Variants in LRRC15 observed in about 807,000 individuals in gnomAD.
The protein encoded by LRRC15 is leucine rich repeat containing 15.
In LRRC15, 5 loss-of-function variants were observed where a neutral mutation model predicts 4.3. The ratio of observed to expected loss-of-function variants is 1.16; its 90% CI spans 0.61 to 2.44. LRRC15 has a LOEUF of 2.44. Ranked by LOEUF, LRRC15 falls within the 30% of genes most tolerant of loss-of-function variation. LRRC15 has a pLI of 0.01. For missense variants in LRRC15, 769 were observed against 747.0 expected, an observed-to-expected ratio of 1.03 and a Z score of -0.34; for synonymous variants, 337 against 323.2, an observed-to-expected ratio of 1.04 and a Z score of -0.46.
At chr3:194,368,308 C>T (rs1019839098) in intron 1 of LRRC15, among the ~76,000 whole-genome samples, 1 of 152,128 alleles carries the variant, frequency 6.6e-6, no homozygotes, top group Non-Finnish European at 1.5e-5. Flanking sequence ...TATTCTACCT[C>T]GCCTCACCAC....
chr3:194,365,839 C>T (rs1171986036), intron 1 of LRRC15, among the ~76,000 whole-genome samples: 1 of 152,190 alleles, frequency 6.6e-6, no homozygotes, highest in African/African-American at 2.4e-5. Flanking sequence ...TGTCCGCACA[C>T]AGCCAATAGC....
In LRRC15 at chr3:194,361,056, G is replaced by T; in HGVS notation, c.-3-10C>A. 6.7e-7 allele frequency: 1 copy of T among 1,496,078 alleles called. No homozygotes were observed. Among genetic ancestry groups the T allele is most frequent in the South Asian group, 1.3e-5 (1 of 74,310 alleles). 92.7% of individuals were successfully genotyped at this position (1,496,078 alleles called of 1,614,324 possible). ...GCTTCAGTGGCATAGCCTGTGCAAG[G>T]GGAGAGAGCACACGTTAGTCAGGGT... On this transcript the variant is annotated splice_polypyrimidine_tract_variant and intron_variant, in intron 1 of 1. Coordinates refer to ENST00000347624, the MANE Select transcript of LRRC15 (RefSeq NM_130830.5).
intron 1 of LRRC15, among the ~76,000 whole-genome samples, chr3:194,366,238 T>C (rs1713770195): frequency 6.6e-6 from 1 of 152,242 alleles, no homozygotes; most frequent in Non-Finnish European, 1.5e-5. Context: ...TAAAATCGCC[T>C]GGCTTGTTTA....
In LRRC15 at chr3:194,360,162, G is replaced by C. The variant is rs1043650322; in HGVS notation, c.882C>G (p.Asn294Lys). The change falls in exon 2 of 2, where the codon AAC (asparagine) becomes AAG (lysine). Residue 294 changes from asparagine (N) to lysine (K), a missense_variant. Asn to Lys is a moderately conservative substitution (Grantham distance 94). Transcript: ENST00000347624. ...TGTCATAGAGCCAAAGCTCCCGCAG[G>C]TTGGGCATGGGCCCGAAGATCCCCG... ...LSPGIFGPMP[N>K]LRELWLYDNH... 1 of 1,613,752 alleles carries C rather than the reference G, an allele frequency of 6.2e-7. No homozygotes were observed. The highest frequency in any genetic ancestry group is 1.3e-5 in the African/African-American group (1 of 74,942).
rs1713411074 is a variant in LRRC15 at position 194,355,866 on chromosome 3, C to T, written c.*3432G>A. ...ATCTCTAAATTCTAAGGAGGAAGAA[C>T]AATATACATACAGCCCAATTCCCAT... is the stretch of plus-strand genomic sequence containing the variant. On this transcript the variant is annotated 3_prime_UTR_variant, in exon 2 of 2. Coordinates refer to ENST00000347624, the MANE Select transcript of LRRC15 (RefSeq NM_130830.5). The T allele has an allele frequency of 6.6e-6, 1 of 152,172 alleles. No individual in the cohort carries two copies. Among genetic ancestry groups the T allele is most frequent in the African/African-American group, 2.4e-5 (1 of 41,428 alleles). 9.4% of individuals were successfully genotyped at this position (152,172 alleles called of 1,614,324 possible).
At position 194,360,649 on chromosome 3, in the gene LRRC15, A is replaced by G; in HGVS notation, c.395T>C (p.Leu132Pro). The G allele has an allele frequency of 6.2e-7, 1 of 1,614,210 alleles. No homozygotes were observed. The highest frequency in any genetic ancestry group is 8.5e-7 in the Non-Finnish European group (1 of 1,180,032). ...GATCTGCAACAGCTGGTTACTGGAC[A>G]GAAGGAGAGACTCGAGGCTGTCCAG... ...QGLDSLESLL[L>P]SSNQLLQIQP... The change falls in exon 2 of 2, where the codon CTG (leucine) becomes CCG (proline). Residue 132 changes from leucine to proline, a missense_variant. Leu to Pro is a moderately conservative substitution (Grantham distance 98, BLOSUM62 -3). Coordinates refer to ENST00000347624, the MANE Select transcript of LRRC15 (RefSeq NM_130830.5).
At chr3:194,368,676 C>T (rs1713851420) in intron 1 of LRRC15, among the ~76,000 whole-genome samples, 1 of 152,074 alleles carries the variant, frequency 6.6e-6, no homozygotes, top group African/African-American at 2.4e-5. Context: ...AGGCACCTGG[C>T]ACCTGCGACT....
rs567441207 is a variant in LRRC15, at chr3:194,358,912, T to C, written c.*386A>G. The C allele has an allele frequency of 8.0e-4, 145 of 181,166 alleles. 1 individual carries two copies. Among genetic ancestry groups the C allele is most frequent in the Non-Finnish European group, 1.1e-3 (98 of 85,228 alleles). 11.2% of individuals were successfully genotyped at this position (181,166 alleles called of 1,614,324 possible). On this transcript the variant is annotated 3_prime_UTR_variant, in exon 2 of 2. Transcript: ENST00000347624. ...GAGGGGCTATCTCAGCGGAGAACTA[T>C]TCCCACGAAGTGAGCAGGCTGTGGA...
intron 1 of LRRC15, 74 bp downstream of exon 1, chr3:194,369,587 T>C (rs1464023828): frequency 6.6e-6 from 1 of 152,136 alleles, no homozygotes; most frequent in Non-Finnish European, 1.5e-5. Flanking sequence ...GGGGAGCAGG[T>C]CCAGCAGAAA....
At chr3:194,364,282 T>C (rs1028638438) in intron 1 of LRRC15, among the ~76,000 whole-genome samples, 2 of 151,978 alleles carry the variant, frequency 1.3e-5, no homozygotes, top group African/African-American at 2.4e-5. Flanking sequence ...GCGTGGACAG[T>C]GTGGGTATTT....
At position 194,358,918 on chromosome 3, in the gene LRRC15, C is replaced by T. The variant is rs1169501662; in HGVS notation, c.*380G>A. 1.1e-5 allele frequency: 2 copies of T among 184,284 alleles called. No homozygotes were observed. The highest frequency in any genetic ancestry group is 1.5e-4 in the South Asian group (1 of 6,816). The allele number at this position is 184,284 out of a possible 1,614,324, so 11.4% of individuals were successfully genotyped here. A position where few individuals can be genotyped will look rare whatever the true frequency, so the allele number is the denominator to read the frequency against. On this transcript the variant is annotated 3_prime_UTR_variant, in exon 2 of 2. Coordinates refer to ENST00000347624, the MANE Select transcript of LRRC15 (RefSeq NM_130830.5). ...CTATCTCAGCGGAGAACTATTCCCA[C>T]GAAGTGAGCAGGCTGTGGACTAACT... is the stretch of plus-strand genomic sequence containing the variant.
At position 194,360,714 on chromosome 3, in the gene LRRC15, G is replaced by A; in HGVS notation, c.330C>T (p.Asn110=). 2 of 1,614,240 alleles carry A rather than the reference G, an allele frequency of 1.2e-6. No individual in the cohort carries two copies. Among genetic ancestry groups the A allele is most frequent in the Non-Finnish European group, 8.5e-7 (1 of 1,180,036 alleles). ...LGSLRYLSLA[N]NKLQVLPIGL... Reference sequence around the variant, plus strand: ...CGATGGGCAGAACCTGCAGCTTGTTGTTGGCGAGGCTGAGATAGCGCAGCG... The same window carrying A: ...CGATGGGCAGAACCTGCAGCTTGTTATTGGCGAGGCTGAGATAGCGCAGCG... The change falls in exon 2 of 2, where the codon AAC becomes AAT. Residue 110 remains asparagine (N), a synonymous_variant. Transcript: ENST00000347624.
At position 194,361,022 on chromosome 3, in the gene LRRC15, G is replaced by A; in HGVS notation, c.22C>T (p.Leu8Phe). The change falls in exon 2 of 2, where the codon CTT (leucine) becomes TTT (phenylalanine). Residue 8 changes from leucine to phenylalanine, a missense_variant. Transcript: ENST00000347624. Reference sequence around the variant, plus strand: ...CAGGCTTGGCAGCCCACCAGCAAAAGGAGATAATGCTTCAGTGGCATAGCC... The same window carrying A: ...CAGGCTTGGCAGCCCACCAGCAAAAAGAGATAATGCTTCAGTGGCATAGCC... MPLKHYL[L>F]LLVGCQAWGA... The A allele has an allele frequency of 6.6e-7, 1 of 1,517,316 alleles. No individual in the cohort carries two copies. The highest frequency in any genetic ancestry group is 8.8e-7 in the Non-Finnish European group (1 of 1,139,546). 94.0% of individuals were successfully genotyped at this position (1,517,316 alleles called of 1,614,324 possible).
chr3:194,360,166 G>T lies in LRRC15; in HGVS notation c.878C>A (p.Pro293His). The change falls in exon 2 of 2, where the codon CCC becomes CAC. Residue 293 changes from proline to histidine, a missense_variant. By Grantham distance (77) the Pro-to-His change is moderately conservative (BLOSUM62 -2). Transcript: ENST00000347624. ...ELSPGIFGPM[P>H]NLRELWLYDN... is the part of the protein sequence containing the mutation. ...ATAGAGCCAAAGCTCCCGCAGGTTG[G>T]GCATGGGCCCGAAGATCCCCGGAGA... 6.2e-7 allele frequency: 1 copy of T among 1,613,870 alleles called. No homozygotes were observed. The highest frequency in any genetic ancestry group is 1.1e-5 in the South Asian group (1 of 91,074).
In LRRC15 at chr3:194,358,709, C is replaced by T. The variant is rs73081774; in HGVS notation, c.*589G>A. 0.032 allele frequency: 4,912 copies of T among 152,728 alleles called. 87 individuals are homozygous for T. Among genetic ancestry groups the T allele is most frequent in the African/African-American group, 0.055 (2,279 of 41,498 alleles). The allele number at this position is 152,728 out of a possible 1,614,324, so 9.5% of individuals were successfully genotyped here. ...GCATCCCCAAAACCAGGCTGATTGA[C>T]GGCTCTTAAGAAACCAGTTAAATGG... On this transcript the variant is annotated 3_prime_UTR_variant, in exon 2 of 2. Coordinates refer to ENST00000347624, the MANE Select transcript of LRRC15 (RefSeq NM_130830.5).
Position 194,359,370 on chromosome 3 carries a change from G to A in LRRC15, c.1674C>T (p.Cys558=), listed in dbSNP as rs200049182. The A allele has an allele frequency of 1.7e-5, 28 of 1,614,016 alleles. No individual in the cohort carries two copies. The East Asian group carries it at 2.5e-4, about 14-fold the overall frequency. The change falls in exon 2 of 2, where the codon TGC becomes TGT. Residue 558 remains cysteine (C), a synonymous_variant. Coordinates refer to ENST00000347624, the MANE Select transcript of LRRC15 (RefSeq NM_130830.5). The part of the protein sequence containing the change: ...IVALACSLAA[C]VGCCCCKKRS... ...TCTTCTTGCAGCAGCAACAGCCGAC[G>A]CAGGCAGCCAGGGAGCAGGCCAGGG...
At position 194,356,728 on chromosome 3, in the gene LRRC15, G is replaced by C. The variant is rs934600569; in HGVS notation, c.*2570C>G. 1.4e-4 allele frequency: 21 copies of C among 152,312 alleles called. No homozygotes were observed. The highest frequency in any genetic ancestry group is 3.9e-4 in the African/African-American group (16 of 41,468). The allele number at this position is 152,312 out of a possible 1,614,324, so 9.4% of individuals were successfully genotyped here. On this transcript the variant is annotated 3_prime_UTR_variant, in exon 2 of 2. Transcript: ENST00000347624. ...ATGGCTACTGCCAGGAATACCTAAG[G>C]GTTCTGGGTTAAGATTGGCAGGGCC...
At chr3:194,366,696 C>T (rs911903126) in intron 1 of LRRC15, among the ~76,000 whole-genome samples, 5 of 152,204 alleles carry the variant, frequency 3.3e-5, no homozygotes, top group African/African-American at 7.2e-5. Flanking sequence ...GCAGTTTGTG[C>T]TGAGTTGAAC....
Position 194,360,154 on chromosome 3 carries a change from TC to T in LRRC15, c.889del (p.Glu297SerfsTer26), listed in dbSNP as rs747185565. The T allele has an allele frequency of 3.1e-6, 5 of 1,613,612 alleles. No homozygotes were observed. The highest frequency in any genetic ancestry group is 2.7e-5 in the African/African-American group (2 of 74,900). On this transcript the variant is annotated frameshift_variant, in exon 2 of 2. Transcript: ENST00000347624. LOFTEE classifies it low-confidence loss of function (END_TRUNC). ...GATGTGGTTGTCATAGAGCCAAAGC[TC>T]CCGCAGGTTGGGCATGGGCCCGAAG... ...GIFGPMPNLRELWLYDNHISS... is the reference protein window; with the variant it reads ...GIFGPMPNLRXLWLYDNHISS...
Sources: gnomAD v4.1 joint callset for allele counts (sites outside exome capture counted in the v4.1 genomes callset) on GRCh38, gnomAD v4.1.1 for gene constraint, MANE v1.5 for transcripts, NCBI Gene and HGNC (gene_info 2026-07-23, HGNC 2026-07-21) for gene names.